Variants in GSN observed in about 807,000 individuals in gnomAD.
GSN encodes gelsolin, also known as actin-depolymerizing factor.
A neutral mutation model predicts 85.7 loss-of-function variants in GSN; 56 were observed. The ratio of observed to expected loss-of-function variants is 0.65; its 90% CI spans 0.53 to 0.82. GSN has a LOEUF of 0.82. Ranked by LOEUF, GSN falls within the 40% of genes least tolerant of loss-of-function variation. The pLI is 0.00. For synonymous variants in GSN, 373 were observed against 399.1 expected (o/e 0.93, Z 0.78); for missense variants, 857 against 979.8 (o/e 0.87, Z 1.67).
Position 121,299,902 on chromosome 9 carries a change from T to C in GSN, c.-9-2061T>C. On this transcript the variant is annotated intron_variant, in intron 2 of 17. Coordinates refer to ENST00000432226, the MANE Select transcript of GSN (RefSeq NM_198252.3). This position sits in a 1 kb window ranked among gnomAD's most constrained non-coding sequence, Gnocchi z 4.2. Reference sequence around the variant, plus strand: ...CCCGCGCCCGCGCTGCTTTGCGCGCTGTCCCTGGCGCTGTGCGCGCTGTCG... The same window carrying C: ...CCCGCGCCCGCGCTGCTTTGCGCGCCGTCCCTGGCGCTGTGCGCGCTGTCG... 3 of 1,298,658 alleles carry C rather than the reference T, an allele frequency of 2.3e-6. No individual in the cohort carries two copies. The highest frequency in any genetic ancestry group is 3.0e-6 in the Non-Finnish European group (3 of 1,016,096). 80.4% of individuals were successfully genotyped at this position (1,298,658 alleles called of 1,614,324 possible).
chr9:121,297,524 C>T (rs1459350744), intron 2 of GSN, among the ~76,000 whole-genome samples: 1 of 152,164 alleles, frequency 6.6e-6, no homozygotes, highest in East Asian at 1.9e-4. Context: ...AGCAAACGGC[C>T]TTAACAGTTT....
At chr9:121,248,679 A>G (rs1408068023) in intron 6 of GSN, among the ~76,000 whole-genome samples, 1 of 152,220 alleles carries the variant, frequency 6.6e-6, no homozygotes, top group African/African-American at 2.4e-5. Flanking sequence ...GCCTTGAAGG[A>G]TAAGTAACAC....
At position 121,261,586 on chromosome 9, in the gene GSN, G is replaced by A. The variant is rs768188136; in HGVS notation, c.-340-3568G>A. Among the ~76,000 whole-genome samples the A allele has an allele frequency of 6.6e-6, 1 of 152,210 alleles. No individual in the cohort carries two copies. The highest frequency in any genetic ancestry group is 1.5e-5 in the Non-Finnish European group (1 of 68,044). On this transcript the variant is annotated intron_variant, in intron 6 of 24. Coordinates refer to the GSN transcript ENST00000373823. The surrounding 1 kb of genome is among the most constrained non-coding windows in gnomAD (Gnocchi z 4.1). ...ATCTGAGAAATTTTCGTCAGCTTTG[G>A]AGGAGATAATGCCCAGAGCAGGCAT...
exon 2 of GSN, chr9:121,209,374 G>GGA (rs2053932667): frequency 7.3e-6 from 1 of 137,920 alleles, no homozygotes; most frequent in Non-Finnish European, 1.7e-5. Context: ...ACTAAGGAAA[G>GGA]GAGATTCCCT....
chr9:121,258,083 C>T (rs560203388), intron 6 of GSN, among the ~76,000 whole-genome samples: 8 of 152,262 alleles, frequency 5.3e-5, no homozygotes, highest in Middle Eastern at 3.4e-3. Flanking sequence ...ACTACCCATC[C>T]GGAGTATTCT....
chr9:121,307,376 A>T (rs1045357965), intron 4 of GSN, among the ~76,000 whole-genome samples: 2 of 152,200 alleles, frequency 1.3e-5, no homozygotes, highest in African/African-American at 4.8e-5. Context: ...GTCTCCGAGG[A>T]ATCAATAGAA....
At chr9:121,310,498 A>C (rs763687264) in intron 4 of GSN, 186 bp from the exon 5 acceptor site, 1 of 664,474 alleles carries the variant, frequency 1.5e-6, no homozygotes, top group Non-Finnish European at 2.7e-6. Context: ...TCAGTTTCCT[A>C]CTCTGAAACA....
At chr9:121,209,000 A>C (rs2053927014) in intron 1 of GSN, among the ~76,000 whole-genome samples, 1 of 152,252 alleles carries the variant, frequency 6.6e-6, no homozygotes. Flanking sequence ...ACTCTGAATA[A>C]ATAGCATTCC....
upstream of GSN, chr9:121,203,124 C>CAA (rs1178601046): frequency 8.2e-5 from 8 of 97,264 alleles, no homozygotes; most frequent in Non-Finnish European, 1.3e-4. Context: ...GAGACTGTCT[C>CAA]AAAAAAAAAA....
chr9:121,281,371 T>G (rs974941875), intron 1 of GSN, 99 bp from the exon 2 acceptor site: 4 of 351,700 alleles, frequency 1.1e-5, no homozygotes, highest in African/African-American at 6.4e-5. Context: ...GTGTGACCCC[T>G]GGTGGAGGGG....
chr9:121,331,509 T>C lies in GSN; in HGVS notation c.2026+61T>C, dbSNP rs980548882. On this transcript the variant is annotated intron_variant, in intron 17 of 17. Coordinates refer to ENST00000432226, the MANE Select transcript of GSN (RefSeq NM_198252.3). ...TCCGTTGCTTGTGGGGTGCTGGGAG[T>C]GGCTCCTGTACAGGTCTGGGAATGA... The C allele has an allele frequency of 4.2e-5, 41 of 982,514 alleles. 1 individual carries two copies. The Admixed American group carries it at 5.3e-4, about 13-fold the overall frequency. The allele number at this position is 982,514 out of a possible 1,614,324, so 60.9% of individuals were successfully genotyped here. A position where few individuals can be genotyped will look rare whatever the true frequency, so the allele number is the denominator to read the frequency against.
chr9:121,290,588 C>T (rs187078866), intron 2 of GSN, among the ~76,000 whole-genome samples: 4 of 152,172 alleles, frequency 2.6e-5, no homozygotes, highest in East Asian at 3.9e-4. Context: ...AGGTATATAA[C>T]GCGATGTTAT....
At chr9:121,219,791 G>A (rs891717853) in intron 4 of GSN, among the ~76,000 whole-genome samples, 2 of 152,084 alleles carry the variant, frequency 1.3e-5, no homozygotes, top group African/African-American at 4.8e-5. Context: ...CCCCCTCTTG[G>A]TTAAAGAAAC....
intron 2 of GSN, chr9:121,286,656 C>G (rs551176292): frequency 3.3e-6 from 5 of 1,534,282 alleles, no homozygotes; most frequent in Non-Finnish European, 4.4e-6. Context: ...CCCTCTGGGC[C>G]GGGAAGTCAG....
chr9:121,305,768 C>T (rs2133301335), intron 4 of GSN, among the ~76,000 whole-genome samples: 1 of 152,328 alleles, frequency 6.6e-6, no homozygotes. Context: ...ATGGGAGGCC[C>T]AGGGCTGGTC....
At position 121,318,753 on chromosome 9, in the gene GSN, G is replaced by A. The variant is rs1170736480; in HGVS notation, c.1064G>A (p.Gly355Asp). ...GACCCAGACCAGACAGATGGCCTGG[G>A]CTTGTCCTACCTTTCCAGCCATATC... ...WRDPDQTDGLGLSYLSSHIAN... is the reference protein window; with the variant it reads ...WRDPDQTDGLDLSYLSSHIAN... Residue 355 changes from glycine (G) to aspartate (D), a missense_variant, in exon 10 of 18, where the codon GGC (glycine) becomes GAC (aspartate). By Grantham distance (94) the Gly-to-Asp change is moderately conservative. Coordinates refer to ENST00000432226, the MANE Select transcript of GSN (RefSeq NM_198252.3). This position sits in a 1 kb window ranked among gnomAD's most constrained non-coding sequence, Gnocchi z 4.3. The A allele has an allele frequency of 5.6e-6, 9 of 1,613,836 alleles. No homozygotes were observed. Among genetic ancestry groups the A allele is most frequent in the African/African-American group, 1.3e-5 (1 of 74,924 alleles).
intron 1 of GSN, among the ~76,000 whole-genome samples, chr9:121,277,335 G>C (rs1401479487): frequency 6.6e-6 from 1 of 152,196 alleles, no homozygotes; most frequent in Non-Finnish European, 1.5e-5. Flanking sequence ...GATCGCCTGG[G>C]GCTTTTGTTA....
intron 4 of GSN, among the ~76,000 whole-genome samples, chr9:121,228,424 A>ATATATAT (rs1315548268): frequency 2.1e-5 from 1 of 48,120 alleles, no homozygotes; most frequent in African/African-American, 8.6e-5. Context: ...ATATATATAT[A>ATATATAT]TTTTTTTTTT....
chr9:121,300,088 T>C (rs1156658414), intron 2 of GSN: 21 of 1,609,458 alleles, frequency 1.3e-5, no homozygotes, highest in Non-Finnish European at 1.6e-5. Flanking sequence ...AAAAGGGGAG[T>C]AATTCAGGTC....
Sources: gnomAD v4.1 joint callset for allele counts (sites outside exome capture counted in the v4.1 genomes callset) on GRCh38, gnomAD v4.1.1 for gene constraint, Gnocchi (gnomAD v3.1) non-coding constraint, MANE v1.5 for transcripts, NCBI Gene and HGNC (gene_info 2026-07-23, HGNC 2026-07-21) for gene names.